Variants in MRTFA observed in about 807,000 individuals in gnomAD.
MRTFA encodes myocardin-related transcription factor A.
A neutral mutation model predicts 83.5 loss-of-function variants in MRTFA; 20 were observed. That is an observed-to-expected ratio of 0.24 (90% CI 0.17 to 0.35). The LOEUF (loss-of-function observed/expected upper bound fraction) is 0.35, where lower values mean the gene tolerates loss of function less well. Ranked by LOEUF, MRTFA falls within the 10% of genes least tolerant of loss-of-function variation. The pLI is 1.00. For synonymous variants in MRTFA, 659 were observed against 541.2 expected (o/e 1.22, Z -3.02); for missense variants, 1,200 against 1,224.7 (o/e 0.98, Z 0.30).
At chr22:40,570,606 G>C (rs1467201909) in intron 2 of MRTFA, among the ~76,000 whole-genome samples, 3 of 73,478 alleles carry the variant, frequency 4.1e-5, no homozygotes, top group Non-Finnish European at 5.9e-5. Context: ...AAAAAAAAAA[G>C]AATTGGGTAC....
chr22:40,600,272 G>GTT (rs2056243806), intron 1 of MRTFA, among the ~76,000 whole-genome samples: 1 of 152,160 alleles, frequency 6.6e-6, no homozygotes, highest in Non-Finnish European at 1.5e-5. Context: ...TCCATGCAAA[G>GTT]TGCTGGTAAT....
intron 7 of MRTFA, among the ~76,000 whole-genome samples, chr22:40,425,316 C>G (rs1401110110): frequency 9.2e-5 from 14 of 152,226 alleles, no homozygotes; most frequent in Admixed American, 9.2e-4. Context: ...GTGGGGGTGG[C>G]AGGTTCTGAG....
intron 3 of MRTFA, among the ~76,000 whole-genome samples, chr22:40,470,358 A>G (rs2053888544): frequency 6.8e-6 from 1 of 146,940 alleles, no homozygotes. Context: ...ACCCTTAAAC[A>G]GCCAATGGGT....
chr22:40,532,687 T>C (rs1443033054), intron 3 of MRTFA, among the ~76,000 whole-genome samples: 1 of 152,180 alleles, frequency 6.6e-6, no homozygotes, highest in Admixed American at 6.5e-5. Flanking sequence ...TCTTTCAACA[T>C]ACTACCTAAA....
chr22:40,597,657 G>A (rs1042749726), intron 1 of MRTFA, among the ~76,000 whole-genome samples: 8 of 152,138 alleles, frequency 5.3e-5, no homozygotes, highest in Admixed American at 1.3e-4. Context: ...TTTCTCTGCC[G>A]AAAGCAGAGG....
intron 3 of MRTFA, among the ~76,000 whole-genome samples, chr22:40,509,403 CCT>C (rs1201018041): frequency 1.3e-5 from 2 of 152,080 alleles, no homozygotes; most frequent in African/African-American, 2.4e-5. Flanking sequence ...CAAAAATATC[CCT>C]GTTATGACCT....
chr22:40,455,338 C>T (rs937827297), intron 4 of MRTFA, among the ~76,000 whole-genome samples: 5 of 151,960 alleles, frequency 3.3e-5, no homozygotes, highest in Admixed American at 2.6e-4. Context: ...CTTTTGAATT[C>T]ATAACTTGGA....
At chr22:40,444,606 G>A (rs73167042) in intron 4 of MRTFA, among the ~76,000 whole-genome samples, 12,431 of 152,148 alleles carry the variant, frequency 0.082, 768 homozygotes, top group East Asian at 0.24. Context: ...GGAGCCCAAA[G>A]GAAATGGCAC....
At chr22:40,507,430 C>T (rs1441431315) in intron 3 of MRTFA, among the ~76,000 whole-genome samples, 1 of 151,646 alleles carries the variant, frequency 6.6e-6, no homozygotes, top group East Asian at 1.9e-4. Context: ...CCCAGGAGTT[C>T]GAGACCAGCC....
intron 3 of MRTFA, among the ~76,000 whole-genome samples, chr22:40,537,958 C>T (rs1259177276): frequency 9.6e-4 from 22 of 23,014 alleles, no homozygotes; most frequent in Non-Finnish European, 1.2e-3. Context: ...GGGTCAGCCC[C>T]CCGCCCGGCC....
chr22:40,574,922 C>CA (rs1384258244), intron 2 of MRTFA, among the ~76,000 whole-genome samples: 1 of 152,102 alleles, frequency 6.6e-6, no homozygotes, highest in African/African-American at 2.4e-5. Context: ...TTGTGATAAC[C>CA]AAAAGTGAAA....
At chr22:40,442,519 A>G (rs2053295647) in intron 4 of MRTFA, among the ~76,000 whole-genome samples, 1 of 152,026 alleles carries the variant, frequency 6.6e-6, no homozygotes, top group Non-Finnish European at 1.5e-5. Context: ...CCATCCATCC[A>G]TCCCTCCATC....
chr22:40,439,946 G>A (rs1028125227), intron 4 of MRTFA: 1 of 161,218 alleles, frequency 6.2e-6, no homozygotes, highest in South Asian at 1.4e-4. Context: ...GAGGTCAGGA[G>A]TTCAGGACCA....
chr22:40,624,465 CT>C (rs1344774911), intron 1 of MRTFA, among the ~76,000 whole-genome samples: 1 of 151,730 alleles, frequency 6.6e-6, no homozygotes, highest in Non-Finnish European at 1.5e-5. Flanking sequence ...GATTAATTCC[CT>C]TGTTGTCTAA....
At chr22:40,494,426 C>T (rs1031670304) in intron 3 of MRTFA, among the ~76,000 whole-genome samples, 1 of 152,080 alleles carries the variant, frequency 6.6e-6, no homozygotes, top group Non-Finnish European at 1.5e-5. Flanking sequence ...TGCCTGTAAT[C>T]CCAACAGTTT....
At chr22:40,608,475 T>G (rs1303672415) in intron 1 of MRTFA, among the ~76,000 whole-genome samples, 1 of 152,238 alleles carries the variant, frequency 6.6e-6, no homozygotes, top group Non-Finnish European at 1.5e-5. Context: ...TTTTAAATAA[T>G]AGCTGCCACT....
At chr22:40,509,379 A>G (rs189104158) in intron 3 of MRTFA, among the ~76,000 whole-genome samples, 1 of 152,342 alleles carries the variant, frequency 6.6e-6, no homozygotes, top group Non-Finnish European at 1.5e-5. Flanking sequence ...TAAGTATTTG[A>G]AAGAAAGATT....
chr22:40,472,397 C>T (rs1248092750), intron 3 of MRTFA, among the ~76,000 whole-genome samples: 1 of 152,180 alleles, frequency 6.6e-6, no homozygotes, highest in Non-Finnish European at 1.5e-5. Flanking sequence ...TTTAATCCAC[C>T]TAATAAGCAG....
intron 3 of MRTFA, among the ~76,000 whole-genome samples, chr22:40,550,052 A>T (rs1321746577): frequency 3.7e-5 from 1 of 26,682 alleles, no homozygotes; most frequent in Non-Finnish European, 7.9e-5. Flanking sequence ...CTGTTGCAAA[A>T]AAAAAAAAAA....
Sources: gnomAD v4.1 joint callset for allele counts (sites outside exome capture counted in the v4.1 genomes callset) on GRCh38, gnomAD v4.1.1 for gene constraint, MANE v1.5 for transcripts, NCBI Gene and HGNC (gene_info 2026-07-23, HGNC 2026-07-21) for gene names.